Variants in ATM observed in about 807,000 individuals in gnomAD.
The protein encoded by ATM is ATM serine/threonine kinase.
Under a neutral mutation model 387.0 loss-of-function variants are expected in ATM, and 308 were observed. The observed-to-expected ratio is 0.80, with a 90% CI of 0.73 to 0.87. ATM has a LOEUF of 0.87. Among genes scored for constraint, ATM ranks in the 40% least tolerant of loss-of-function variants. ATM has a pLI of 0.00. For synonymous variants in ATM, 1,156 were observed against 1,187.3 expected (o/e 0.97, Z 0.54); for missense variants, 3,312 against 3,560.9 (o/e 0.93, Z 1.78).
chr11:108,286,478 G>A (rs979591571), intron 26 of ATM, among the ~76,000 whole-genome samples: 8 of 152,126 alleles, frequency 5.3e-5, no homozygotes, highest in African/African-American at 1.9e-4. Flanking sequence ...AGAATTTTCT[G>A]GGGTTTAAAT....
chr11:108,306,890 C>T (rs1347019189), intron 37 of ATM, among the ~76,000 whole-genome samples: 3 of 152,178 alleles, frequency 2.0e-5, no homozygotes, highest in African/African-American at 7.2e-5. Flanking sequence ...ACCTCTCTCA[C>T]GTATTTCATC....
chr11:108,240,224 T>C (rs182184495), intron 5 of ATM, among the ~76,000 whole-genome samples: 103 of 152,346 alleles, frequency 6.8e-4, no homozygotes, highest in Non-Finnish European at 1.8e-4. Context: ...TATTTTTTTT[T>C]CCTCTGGGAG....
chr11:108,225,789 C>G (rs1347542819), intron 1 of ATM: 1 of 152,136 alleles, frequency 6.6e-6, no homozygotes, highest in African/African-American at 2.4e-5. Context: ...GTAGTCAGCT[C>G]TTACTGAGAA....
At chr11:108,320,104 T>C (rs1399682468) in intron 44 of ATM, 46 bp downstream of exon 44, 1 of 1,392,442 alleles carries the variant, frequency 7.2e-7, no homozygotes, top group East Asian at 2.3e-5. Context: ...TTTAATGTCA[T>C]GGCTTCTTTT....
intron 9 of ATM, among the ~76,000 whole-genome samples, chr11:108,250,012 AT>A (rs1404863092): frequency 1.3e-5 from 2 of 152,094 alleles, no homozygotes; most frequent in Non-Finnish European, 2.9e-5. Context: ...GCAAATGTTT[AT>A]TGGATTAACT....
intron 61 of ATM, chr11:108,356,206 A>G (rs2089901470): frequency 6.6e-6 from 1 of 152,198 alleles, no homozygotes; most frequent in Admixed American, 6.5e-5. Flanking sequence ...TGTCGAAATT[A>G]AACTCTAAAG....
chr11:108,262,861 C>A (rs1223494774), intron 16 of ATM, among the ~76,000 whole-genome samples: 8 of 145,658 alleles, frequency 5.5e-5, no homozygotes, highest in African/African-American at 2.0e-4. Context: ...AGACTTTAAA[C>A]CAACAAAGAT....
At chr11:108,347,193 G>A in intron 58 of ATM, 86 bp from the exon 59 acceptor site, 1 of 1,025,576 alleles carries the variant, frequency 9.8e-7, no homozygotes, top group Non-Finnish European at 1.5e-6. Flanking sequence ...ATTATACCAA[G>A]TCAGTGGTCT....
At position 108,267,264 on chromosome 11, in the gene ATM, T is replaced by C. The variant is rs1060501632; in HGVS notation, c.2560T>C (p.Ser854Pro). Residue 854 changes from serine to proline, a missense_variant, in exon 17 of 63, where the codon TCC becomes CCC. By Grantham distance (74) the Ser-to-Pro change is moderately conservative (BLOSUM62 -1). Transcript: ENST00000675843. The part of the protein sequence containing the change: ...GNLMEVEDQS[S>P]MNLFNDYPDS... ...TCTAATGGAGGTGGAGGATCAGTCA[T>C]CCATGAATCTATTTAACGATTACCC... 1 of 1,614,136 alleles carries C rather than the reference T, an allele frequency of 6.2e-7. No individual in the cohort carries two copies. Among genetic ancestry groups the C allele is most frequent in the Non-Finnish European group, 8.5e-7 (1 of 1,179,996 alleles).
chr11:108,230,816 C>T (rs1040898809), intron 4 of ATM: 3 of 152,486 alleles, frequency 2.0e-5, no homozygotes, highest in East Asian at 1.9e-4. Flanking sequence ...ATCCTCCTGC[C>T]TCAGCCTCCC....
At position 108,250,868 on chromosome 11, in the gene ATM, A is replaced by C; in HGVS notation, c.1403A>C (p.Lys468Thr). Residue 468 changes from lysine to threonine, a missense_variant, in exon 10 of 63, where the codon AAG (lysine) becomes ACG (threonine). Lys to Thr is a moderately conservative substitution (Grantham distance 78). Coordinates refer to ENST00000675843, the MANE Select transcript of ATM (RefSeq NM_000051.4). ...CLTEVALCQD[K>T]RSNLESSQKS... is the part of the protein sequence containing the mutation. ...ACGGAAGTTGCATTGTGTCAAGACA[A>C]GAGGTCAAACCTAGAAAGCTCACAA... 6.2e-7 allele frequency: 1 copy of C among 1,614,148 alleles called. No homozygotes were observed. The highest frequency in any genetic ancestry group is 1.1e-5 in the South Asian group (1 of 91,086).
At chr11:108,229,141 C>A (rs2135031745) in intron 3 of ATM, 37 bp from the exon 4 acceptor site, 3 of 1,584,962 alleles carry the variant, frequency 1.9e-6, no homozygotes, top group South Asian at 2.3e-5. Context: ...TTTAAGTATT[C>A]AACGAGTTTC....
At chr11:108,343,898 A>C (rs886844643) in intron 57 of ATM, among the ~76,000 whole-genome samples, 1 of 152,214 alleles carries the variant, frequency 6.6e-6, no homozygotes, top group African/African-American at 2.4e-5. Flanking sequence ...CTAGTCTGAT[A>C]TTCATTCGCT....
intron 45 of ATM, 112 bp downstream of exon 45, chr11:108,321,532 T>G: frequency 6.7e-7 from 1 of 1,490,272 alleles, no homozygotes; most frequent in Non-Finnish European, 9.2e-7. Context: ...CCTGTAATCC[T>G]AGCACTTTAG....
intron 1 of ATM, chr11:108,225,629 A>G (rs2078700624): frequency 6.6e-6 from 1 of 152,136 alleles, no homozygotes; most frequent in Non-Finnish European, 1.5e-5. Context: ...ACATGCTACC[A>G]CACCTGGTTA....
At chr11:108,305,735 C>T (rs2083658322) in intron 37 of ATM, among the ~76,000 whole-genome samples, 1 of 152,060 alleles carries the variant, frequency 6.6e-6, no homozygotes, top group South Asian at 2.1e-4. Context: ...ATGCCAAGAG[C>T]ATAATAGCAA....
intron 5 of ATM, among the ~76,000 whole-genome samples, chr11:108,241,742 C>CTTTTTTTTTTTTT (rs1206745957): frequency 2.2e-4 from 10 of 45,366 alleles, no homozygotes; most frequent in African/African-American, 2.9e-4. Context: ...TTCTTTCTTT[C>CTTTTTTTTTTTTT]TTTTTTTTTT....
At chr11:108,347,487 GT>G in intron 59 of ATM, 122 bp downstream of exon 59, 10 of 820,056 alleles carry the variant, frequency 1.2e-5, no homozygotes, top group Middle Eastern at 3.7e-4. Flanking sequence ...TAAATATTGG[GT>G]TTTTTTGTTT....
chr11:108,237,810 A>C (rs144676646), intron 5 of ATM, among the ~76,000 whole-genome samples: 1 of 151,952 alleles, frequency 6.6e-6, no homozygotes, highest in African/African-American at 2.4e-5. Context: ...AATTGCATTG[A>C]ATCTGTTGCA....
Sources: allele counts gnomAD v4.1 joint callset (sites outside exome capture counted in the v4.1 genomes callset), GRCh38; gene constraint gnomAD v4.1.1; transcripts MANE v1.5; gene names NCBI Gene and HGNC (gene_info 2026-07-23, HGNC 2026-07-21).